BRAF: variants seen among roughly 807,000 people sequenced by gnomAD.
The protein encoded by BRAF is B-Raf proto-oncogene, serine/threonine kinase.
Under a neutral mutation model 104.6 loss-of-function variants are expected in BRAF, and 16 were observed. The ratio of observed to expected loss-of-function variants is 0.15; its 90% CI spans 0.10 to 0.23. The LOEUF (loss-of-function observed/expected upper bound fraction) is 0.23, where lower values mean the gene tolerates loss of function less well. BRAF is among the 10% of genes least tolerant of loss of function. The probability of loss-of-function intolerance (pLI) is 1.00; values close to 1 mark genes in which losing one functional copy is unlikely to be tolerated. For missense variants in BRAF, 541 were observed against 937.3 expected, an observed-to-expected ratio of 0.58 and a Z score of 5.52; for synonymous variants, 310 against 341.6, an observed-to-expected ratio of 0.91 and a Z score of 1.02.
rs1266153899 is a variant in BRAF, at chr7:140,722,086, T to G, written c.*4408A>C. ...CAGCAATTTCTGTCAACATTTCTGT[T>G]GTATAAAAGTTCCATGCTTTGAAGA... On this transcript the variant is annotated 3_prime_UTR_variant, in exon 20 of 20. Coordinates refer to ENST00000644969, the MANE Select transcript of BRAF (RefSeq NM_001374258.1). 1.8e-6 allele frequency: 2 copies of G among 1,084,916 alleles called. No homozygotes were observed. Among genetic ancestry groups the G allele is most frequent in the African/African-American group, 3.2e-5 (2 of 61,806 alleles). 67.2% of individuals were successfully genotyped at this position (1,084,916 alleles called of 1,614,324 possible). A position where few individuals can be genotyped will look rare whatever the true frequency, so the allele number is the denominator to read the frequency against.
chr7:140,783,274 TA>T, intron 10 of BRAF, 117 bp from the exon 10 acceptor site: 1 of 1,300,086 alleles, frequency 7.7e-7, no homozygotes, highest in Non-Finnish European at 1.1e-6. Flanking sequence ...CATGTTTAAA[TA>T]TAGACCTTTT....
chr7:140,870,871 TAAAAAA>T (rs369012646), intron 1 of BRAF, among the ~76,000 whole-genome samples: 1 of 125,126 alleles, frequency 8.0e-6, no homozygotes, highest in Non-Finnish European at 1.7e-5. Context: ...TTTTCTTACT[TAAAAAA>T]AAAAAAAAAA....
chr7:140,870,267 C>T (rs1422725651), intron 1 of BRAF, among the ~76,000 whole-genome samples: 2 of 152,106 alleles, frequency 1.3e-5, no homozygotes, highest in African/African-American at 4.8e-5. Flanking sequence ...GAAAGTCTTA[C>T]TCTGATTATT....
chr7:140,783,195 G>A (rs1801046220), intron 10 of BRAF, 38 bp from the exon 10 acceptor site: 8 of 1,609,990 alleles, frequency 5.0e-6, no homozygotes, highest in Non-Finnish European at 6.8e-6. Flanking sequence ...CATTAAGGAG[G>A]AGCAAGTATG....
chr7:140,744,384 C>G (rs908557250), intron 17 of BRAF, among the ~76,000 whole-genome samples: 1 of 152,260 alleles, frequency 6.6e-6, no homozygotes, highest in East Asian at 1.9e-4. Flanking sequence ...GAAGCTCCAA[C>G]AAGAACGCTT....
At position 140,895,699 on chromosome 7, in the gene BRAF, C is replaced by T. The variant is rs149581212; in HGVS notation, c.138+28867G>A. On this transcript the variant is annotated intron_variant, in intron 1 of 19. Coordinates refer to ENST00000644969, the MANE Select transcript of BRAF (RefSeq NM_001374258.1). ...GCAGGGTTTAACTTTCTTTTGCTGG[C>T]TTATTTCACTTAACGTGATGTCCTC... Among the ~76,000 whole-genome samples, 115 of 152,282 alleles carry T rather than the reference C, an allele frequency of 7.6e-4. 1 individual carries two copies. Among genetic ancestry groups the T allele is most frequent in the African/African-American group, 2.3e-3 (94 of 41,562 alleles).
chr7:140,734,110 G>T (rs964109573), intron 19 of BRAF: 98 of 1,037,494 alleles, frequency 9.4e-5, no homozygotes, highest in Middle Eastern at 4.3e-4. Flanking sequence ...AAATTATTAA[G>T]AATAATAATA....
chr7:140,878,636 A>T (rs1208625644), intron 1 of BRAF, among the ~76,000 whole-genome samples: 1 of 152,224 alleles, frequency 6.6e-6, no homozygotes, highest in Admixed American at 6.5e-5. Context: ...GTTAATGGAT[A>T]CAAACATACA....
chr7:140,745,862 G>A (rs909555037), intron 17 of BRAF, among the ~76,000 whole-genome samples: 3 of 152,138 alleles, frequency 2.0e-5, no homozygotes, highest in Non-Finnish European at 4.4e-5. Flanking sequence ...TTCAGATCTT[G>A]TGCTTAGAAC....
intron 1 of BRAF, among the ~76,000 whole-genome samples, chr7:140,892,251 G>A (rs941037266): frequency 3.3e-5 from 5 of 151,262 alleles, no homozygotes; most frequent in Non-Finnish European, 7.4e-5. Context: ...GCGAGAATCT[G>A]TGTCAAAAAA....
intron 1 of BRAF, among the ~76,000 whole-genome samples, chr7:140,862,299 A>C (rs922656159): frequency 3.9e-5 from 6 of 152,192 alleles, no homozygotes; most frequent in African/African-American, 1.4e-4. Context: ...ATGTAACACA[A>C]AGAAATGTCC....
chr7:140,789,318 T>G (rs571191129), intron 8 of BRAF, among the ~76,000 whole-genome samples: 1 of 152,276 alleles, frequency 6.6e-6, no homozygotes, highest in South Asian at 2.1e-4. Flanking sequence ...GGGTAGAACT[T>G]GCATTAGTCT....
At chr7:140,873,574 G>A (rs186118208) in intron 1 of BRAF, among the ~76,000 whole-genome samples, 1 of 152,292 alleles carries the variant, frequency 6.6e-6, no homozygotes, top group Admixed American at 6.5e-5. Flanking sequence ...GTGTGTGTGA[G>A]GGTGTTGACA....
intron 1 of BRAF, among the ~76,000 whole-genome samples, chr7:140,909,204 T>G (rs1816684770): frequency 6.6e-6 from 1 of 152,106 alleles, no homozygotes; most frequent in Non-Finnish European, 1.5e-5. Context: ...GGCGGGCAGA[T>G]CACCTGAGGT....
In BRAF at chr7:140,747,471, G is replaced by C. The variant is rs188016725; in HGVS notation, c.2112+1816C>G. 1.1e-5 allele frequency: 13 copies of C among 1,198,956 alleles called. No individual in the cohort carries two copies. In the Admixed American group the frequency reaches 3.0e-4, roughly 28 times the overall value. The allele number at this position is 1,198,956 out of a possible 1,614,324, so 74.3% of individuals were successfully genotyped here. ...ACCTAAAATGCCAAGAAGTGGATGA[G>C]AGAAGAACTCTGGGATGCTTTTATC... On this transcript the variant is annotated intron_variant, in intron 17 of 19. Transcript: ENST00000644969.
At chr7:140,731,596 G>A (rs765206144) in intron 19 of BRAF, 15 of 152,122 alleles carry the variant, frequency 9.9e-5, no homozygotes, top group Non-Finnish European at 1.8e-4. Flanking sequence ...AATAGCCAAT[G>A]TTTTAGAGAG....
At chr7:140,901,305 C>T (rs1815601923) in intron 1 of BRAF, among the ~76,000 whole-genome samples, 1 of 152,178 alleles carries the variant, frequency 6.6e-6, no homozygotes, top group Non-Finnish European at 1.5e-5. Flanking sequence ...ACCCTAGATA[C>T]CACTACAAGT....
At chr7:140,762,112 A>G (rs1029253905) in intron 14 of BRAF, among the ~76,000 whole-genome samples, 4 of 152,186 alleles carry the variant, frequency 2.6e-5, no homozygotes, top group Non-Finnish European at 4.4e-5. Context: ...CACCACACCT[A>G]TTCCAAAACT....
At chr7:140,839,125 A>T (rs1807653345) in intron 2 of BRAF, among the ~76,000 whole-genome samples, 1 of 152,138 alleles carries the variant, frequency 6.6e-6, no homozygotes, top group South Asian at 2.1e-4. Flanking sequence ...GTACAACTGA[A>T]TATCCACACA....
Sources: gnomAD v4.1 joint callset for allele counts (sites outside exome capture counted in the v4.1 genomes callset) on GRCh38, gnomAD v4.1.1 for gene constraint, MANE v1.5 for transcripts, NCBI Gene and HGNC (gene_info 2026-07-23, HGNC 2026-07-21) for gene names.